The following DRC8 variants were observed in gnomAD, a reference collection of about 807,000 sequenced individuals.
DRC8 encodes the protein dynein regulatory complex protein 8.
the DRC8 span, among the ~76,000 whole-genome samples, chr1:245,108,315 C>T: frequency 6.6e-6 from 1 of 152,192 alleles, no homozygotes; most frequent in Non-Finnish European, 1.5e-5. Flanking sequence ...ATCCCAGCAG[C>T]CTGTGTCCAG....
the DRC8 span, among the ~76,000 whole-genome samples, chr1:244,998,475 T>C: frequency 6.6e-6 from 1 of 152,194 alleles, no homozygotes; most frequent in Non-Finnish European, 1.5e-5. Context: ...CCTCCTGAAG[T>C]GCTGGGATTC....
chr1:245,058,514 A>G, the DRC8 span, among the ~76,000 whole-genome samples: 3 of 152,204 alleles, frequency 2.0e-5, no homozygotes, highest in Non-Finnish European at 4.4e-5. Flanking sequence ...TAGGGAGTAA[A>G]TATAATACCA....
the DRC8 span, among the ~76,000 whole-genome samples, chr1:245,089,142 G>C: frequency 6.6e-6 from 1 of 152,112 alleles, no homozygotes; most frequent in Non-Finnish European, 1.5e-5. The surrounding 1 kb of genome is among the most constrained non-coding windows in gnomAD (Gnocchi z 4.8). Flanking sequence ...TGAATCCCAG[G>C]TTTCTGGCTC....
the DRC8 span, among the ~76,000 whole-genome samples, chr1:245,009,650 G>A: frequency 6.6e-6 from 1 of 151,044 alleles, no homozygotes; most frequent in Non-Finnish European, 1.5e-5. Flanking sequence ...TGTACATTTA[G>A]TAGAGATGGG....
chr1:244,983,857 A>G, the DRC8 span, among the ~76,000 whole-genome samples: 82,650 of 151,904 alleles, frequency 0.54, 24,281 homozygotes, highest in East Asian at 0.75. Context: ...ACTGTTAGAT[A>G]TTTAAATTGT....
the DRC8 span, among the ~76,000 whole-genome samples, chr1:245,114,664 A>C: frequency 4.9e-4 from 75 of 152,268 alleles, no homozygotes; most frequent in African/African-American, 1.7e-3. Flanking sequence ...AATAGGGCAG[A>C]TTTTTTATTT....
the DRC8 span, among the ~76,000 whole-genome samples, chr1:245,067,749 A>G: frequency 1.3e-5 from 2 of 152,174 alleles, no homozygotes; most frequent in Non-Finnish European, 2.9e-5. Flanking sequence ...GAGCTTCTGG[A>G]AGAGCCCTGG....
chr1:244,970,478 C>T, the DRC8 span: 50 of 1,523,284 alleles, frequency 3.3e-5, no homozygotes, highest in Middle Eastern at 2.2e-4. Context: ...GCTGCCCTCG[C>T]CGCCCGCCGC....
At chr1:244,997,489 ATG>A in the DRC8 span, among the ~76,000 whole-genome samples, 2 of 148,170 alleles carry the variant, frequency 1.3e-5, no homozygotes, top group African/African-American at 5.0e-5. Flanking sequence ...TTTCACCCTC[ATG>A]TAAAAATTCT....
the DRC8 span, among the ~76,000 whole-genome samples, chr1:244,991,871 A>G: frequency 6.6e-6 from 1 of 152,188 alleles, no homozygotes; most frequent in Non-Finnish European, 1.5e-5. Context: ...TCTGGTTTTC[A>G]TAGTGTAGAA....
At chr1:245,088,647 G>A in the DRC8 span, among the ~76,000 whole-genome samples, 13 of 152,210 alleles carry the variant, frequency 8.5e-5, no homozygotes, top group Non-Finnish European at 1.0e-4. The surrounding 1 kb of genome is among the most constrained non-coding windows in gnomAD (Gnocchi z 4.6). Flanking sequence ...TGCAAGTGCC[G>A]AAGAGAGGCA....
the DRC8 span, among the ~76,000 whole-genome samples, chr1:244,977,523 AAAAAT>A: frequency 2.0e-5 from 3 of 152,224 alleles, no homozygotes; most frequent in African/African-American, 7.2e-5. Context: ...CATCTTTGCT[AAAAAT>A]AAAATAAATA....
the DRC8 span, among the ~76,000 whole-genome samples, chr1:245,024,102 G>A: frequency 2.6e-5 from 4 of 152,122 alleles, no homozygotes; most frequent in Admixed American, 6.6e-5. Flanking sequence ...CCCGGGAGAC[G>A]GTGGTTGCAG....
At chr1:245,124,292 A>G in the DRC8 span, 2 of 152,344 alleles carry the variant, frequency 1.3e-5, no homozygotes, top group African/African-American at 4.8e-5. Context: ...GTCTTCTGAC[A>G]GGCTCCTTTA....
chr1:245,041,768 C>T, the DRC8 span, among the ~76,000 whole-genome samples: 1 of 152,004 alleles, frequency 6.6e-6, no homozygotes, highest in Non-Finnish European at 1.5e-5. Flanking sequence ...CTTGTGTCCT[C>T]CTAAGAAGAG....
At chr1:245,095,231 C>T in the DRC8 span, among the ~76,000 whole-genome samples, 4 of 152,220 alleles carry the variant, frequency 2.6e-5, no homozygotes, top group African/African-American at 9.6e-5. Flanking sequence ...TCCGTCTGGC[C>T]TGGGCAGGCA....
chr1:245,078,907 A>G, the DRC8 span, among the ~76,000 whole-genome samples: 1 of 152,220 alleles, frequency 6.6e-6, no homozygotes, highest in South Asian at 2.1e-4. Flanking sequence ...ATATCAAAAC[A>G]TCGTGTGGCA....
the DRC8 span, among the ~76,000 whole-genome samples, chr1:245,029,551 G>A: frequency 1.3e-5 from 2 of 151,222 alleles, no homozygotes; most frequent in South Asian, 4.2e-4. Flanking sequence ...GCCCATCTCA[G>A]CCCTCCCAAA....
chr1:245,115,397 G>A, the DRC8 span, among the ~76,000 whole-genome samples: 2 of 152,230 alleles, frequency 1.3e-5, no homozygotes, highest in Non-Finnish European at 1.5e-5. Context: ...GCAATGGGGA[G>A]GGAATAGTGT....
Sources: allele counts gnomAD v4.1 joint callset (sites outside exome capture counted in the v4.1 genomes callset), GRCh38; gene constraint gnomAD v4.1.1; non-coding constraint Gnocchi (gnomAD v3.1); transcripts MANE v1.5; gene names NCBI Gene and HGNC (gene_info 2026-07-23, HGNC 2026-07-21).